Variants in TBCE observed in about 807,000 individuals in gnomAD.
TBCE encodes the protein tubulin folding cofactor E, also known as tubulin-specific chaperone E.
Under a neutral mutation model 77.0 loss-of-function variants are expected in TBCE, and 53 were observed. The ratio of observed to expected loss-of-function variants is 0.69; its 90% confidence interval spans 0.55 to 0.87. TBCE has a LOEUF of 0.87. Among genes scored for constraint, TBCE ranks in the 40% least tolerant of loss-of-function variants. The probability of loss-of-function intolerance (pLI) is 0.00; values close to 1 mark genes in which losing one functional copy is unlikely to be tolerated. For synonymous variants in TBCE, 235 were observed against 241.3 expected (o/e 0.97, Z 0.24); for missense variants, 624 against 622.4 (o/e 1.00, Z -0.03).
At chr1:235,385,566 A>T (rs2102824073) in intron 2 of TBCE, among the ~76,000 whole-genome samples, 1 of 152,258 alleles carries the variant, frequency 6.6e-6, no homozygotes, top group South Asian at 2.1e-4. Context: ...CTTTATCATT[A>T]TGTAATGGCC....
chr1:235,369,570 C>T (rs1477308427), intron 1 of TBCE, among the ~76,000 whole-genome samples: 1 of 151,816 alleles, frequency 6.6e-6, no homozygotes, highest in Non-Finnish European at 1.5e-5. Flanking sequence ...GCCTGTAATC[C>T]TGGCACTTTG....
intron 10 of TBCE, 29 bp from the exon 11 acceptor site, chr1:235,436,515 A>G (rs780887080): frequency 6.2e-7 from 1 of 1,612,410 alleles, no homozygotes; most frequent in African/African-American, 1.3e-5. Context: ...TTTCACTTCT[A>G]CTGTGTAACT....
At chr1:235,411,986 T>C (rs1197624167) in intron 3 of TBCE, among the ~76,000 whole-genome samples, 4 of 151,174 alleles carry the variant, frequency 2.6e-5, no homozygotes, top group Non-Finnish European at 5.9e-5. Flanking sequence ...TTCATGTTGC[T>C]GGATTCAGTG....
intron 15 of TBCE, among the ~76,000 whole-genome samples, chr1:235,444,338 TAGAC>T (rs757689142): frequency 1.3e-4 from 20 of 152,324 alleles, no homozygotes; most frequent in East Asian, 5.8e-4. Flanking sequence ...TTTTCAAACT[TAGAC>T]AGACAGTAAA....
At chr1:235,419,887 A>T (rs953142209) in intron 5 of TBCE, among the ~76,000 whole-genome samples, 4 of 151,676 alleles carry the variant, frequency 2.6e-5, no homozygotes, top group Admixed American at 6.6e-5. Flanking sequence ...GGAGATCGAG[A>T]ACATCCTGGC....
intron 13 of TBCE, among the ~76,000 whole-genome samples, chr1:235,440,111 C>T (rs1217659178): frequency 1.3e-5 from 2 of 152,056 alleles, no homozygotes; most frequent in Non-Finnish European, 1.5e-5. Context: ...GCTGGGACTA[C>T]AGGCGCCCAC....
intron 3 of TBCE, among the ~76,000 whole-genome samples, chr1:235,412,136 CTCCCCTT>C (rs1679820961): frequency 7.7e-5 from 1 of 13,070 alleles, no homozygotes; most frequent in African/African-American, 4.2e-4. Flanking sequence ...TTCCCTTCTC[CTCCCCTT>C]CCCCTCCCCT....
chr1:235,429,643 C>T (rs934033234), intron 6 of TBCE: 1 of 151,784 alleles, frequency 6.6e-6, no homozygotes, highest in Non-Finnish European at 1.5e-5. Context: ...TAATGTCACA[C>T]TTTTCTAGGC....
intron 2 of TBCE, among the ~76,000 whole-genome samples, chr1:235,398,819 A>G (rs899371379): frequency 6.7e-6 from 1 of 148,484 alleles, no homozygotes; most frequent in East Asian, 2.1e-4. Context: ...TTATTTTTGT[A>G]GTTTTTGTAG....
chr1:235,381,657 C>G (rs1404587652), intron 2 of TBCE, among the ~76,000 whole-genome samples: 3 of 125,956 alleles, frequency 2.4e-5, no homozygotes, highest in Non-Finnish European at 4.7e-5. Context: ...TGCACCCCAG[C>G]CTGGGCGACA....
intron 4 of TBCE, among the ~76,000 whole-genome samples, chr1:235,416,461 G>A (rs896586088): frequency 2.6e-5 from 4 of 151,708 alleles, no homozygotes; most frequent in Non-Finnish European, 1.5e-5. Flanking sequence ...AGAAGGTCAA[G>A]GCTGCAGTGA....
rs3083678 is a variant in TBCE, at chr1:235,416,541, CA to C, written c.371+1935del. ...ACCTTGTCTCAAATGACACACAAAC[CA>C]AAAAAAAAAAACCCCAAATATTTAC... is the stretch of plus-strand genomic sequence containing the variant. On this transcript the variant is annotated intron_variant, in intron 4 of 16. Coordinates refer to ENST00000642610, the MANE Select transcript of TBCE (RefSeq NM_003193.5). 6.7e-4 allele frequency among the ~76,000 whole-genome samples: 100 copies of C among 148,522 alleles called. No individual in the cohort carries two copies. The East Asian group carries it at 7.5e-3, about 11-fold the overall frequency.
intron 2 of TBCE, among the ~76,000 whole-genome samples, chr1:235,395,638 G>A (rs1366851325): frequency 4.6e-5 from 7 of 151,492 alleles, no homozygotes; most frequent in African/African-American, 1.7e-4. Flanking sequence ...TCCGCCTCCT[G>A]GGTTCAAGCA....
At chr1:235,430,334 A>G (rs549498708) in intron 6 of TBCE, 1 of 201,780 alleles carries the variant, frequency 5.0e-6, no homozygotes, top group Admixed American at 5.5e-5. Context: ...GATTCAGTGT[A>G]TCAGTAAGAC....
At chr1:235,433,041 C>G in intron 7 of TBCE, 1 of 1,549,234 alleles carries the variant, frequency 6.5e-7, no homozygotes, top group Non-Finnish European at 8.6e-7. Flanking sequence ...AATGCTCCAC[C>G]AGCAACTGCA....
chr1:235,440,621 T>G (rs1681813762), intron 13 of TBCE, among the ~76,000 whole-genome samples: 1 of 150,996 alleles, frequency 6.6e-6, no homozygotes, highest in South Asian at 2.1e-4. Context: ...CTCAAACTCC[T>G]GAACTCAGGT....
chr1:235,419,576 G>A lies in TBCE; in HGVS notation c.460+15G>A, dbSNP rs371500222. The A allele has an allele frequency of 5.3e-5, 86 of 1,613,748 alleles. No individual in the cohort carries two copies. Among genetic ancestry groups the A allele is most frequent in the Non-Finnish European group, 7.0e-5 (83 of 1,179,988 alleles). On this transcript the variant is annotated intron_variant, in intron 5 of 16. Coordinates refer to ENST00000642610, the MANE Select transcript of TBCE (RefSeq NM_003193.5). ...AGCATGTCCTAGTATCCTTTTCACC[G>A]AGAGCTTGTTATTGGAATCTGACTA...
intron 2 of TBCE, among the ~76,000 whole-genome samples, chr1:235,398,749 ACAGCTACTGTAGTCC>A: frequency 7.0e-6 from 1 of 142,938 alleles, no homozygotes; most frequent in African/African-American, 2.5e-5. Context: ...AGCTGGGACT[ACAGCTACTGTAGTCC>A]CAGCTACTCG....
chr1:235,372,820 A>T (rs1677053793), intron 1 of TBCE, among the ~76,000 whole-genome samples: 2 of 147,750 alleles, frequency 1.4e-5, no homozygotes, highest in South Asian at 4.5e-4. Context: ...GCTACTGGGG[A>T]GGCTGAGGCA....
Sources: allele counts gnomAD v4.1 joint callset (sites outside exome capture counted in the v4.1 genomes callset), GRCh38; gene constraint gnomAD v4.1.1; transcripts MANE v1.5; gene names NCBI Gene and HGNC (gene_info 2026-07-23, HGNC 2026-07-21).